LYRM4: variants seen among roughly 807,000 people sequenced by gnomAD.
LYRM4 encodes LYR motif-containing protein 4.
LYRM4 carries 9 observed loss-of-function variants against 11.7 expected under a neutral mutation model. That is an observed-to-expected ratio of 0.77 (90% CI 0.46 to 1.34). The LOEUF is 1.34. Among genes scored for constraint, LYRM4 ranks in the 40% most tolerant of loss-of-function variants. LYRM4 has a pLI of 0.00. For synonymous variants in LYRM4, 42 were observed against 40.4 expected (o/e 1.04, Z -0.15); for missense variants, 133 against 112.5 (o/e 1.18, Z -0.82).
At chr6:5,186,522 A>G in intron 2 of LYRM4, 2 of 946,744 alleles carry the variant, frequency 2.1e-6, no homozygotes, top group Non-Finnish European at 2.5e-6. Context: ...CTGAACTCCC[A>G]TCTCCTTTCT....
chr6:5,246,584 T>C (rs1764208008), intron 1 of LYRM4, among the ~76,000 whole-genome samples: 1 of 152,108 alleles, frequency 6.6e-6, no homozygotes, highest in African/African-American at 2.4e-5. Flanking sequence ...CTGAGAGTGG[T>C]ATACGGACAC....
chr6:5,254,800 C>T (rs895093160), intron 1 of LYRM4, among the ~76,000 whole-genome samples: 5 of 152,302 alleles, frequency 3.3e-5, no homozygotes, highest in Admixed American at 2.6e-4. Context: ...CCAACCCCAC[C>T]AGCTGTGCTC....
intron 1 of LYRM4, chr6:5,218,289 T>C: frequency 2.0e-6 from 2 of 985,298 alleles, no homozygotes; most frequent in Non-Finnish European, 1.2e-6. Context: ...CCAGTAGTAA[T>C]ATTTAGCAAC....
At chr6:5,176,913 A>G (rs1345345009) in intron 2 of LYRM4, among the ~76,000 whole-genome samples, 1 of 152,172 alleles carries the variant, frequency 6.6e-6, no homozygotes, top group Non-Finnish European at 1.5e-5. Flanking sequence ...CATAATTACA[A>G]ATGAGTAGTG....
At chr6:5,159,239 C>T (rs1211525996) in intron 2 of LYRM4, among the ~76,000 whole-genome samples, 1 of 152,176 alleles carries the variant, frequency 6.6e-6, no homozygotes, top group Admixed American at 6.5e-5. Context: ...TGGGTGTCAT[C>T]CCCACTCAGG....
intron 2 of LYRM4, chr6:5,187,017 T>C: frequency 1.0e-6 from 1 of 959,816 alleles, no homozygotes; most frequent in Non-Finnish European, 1.2e-6. Context: ...AAAAGAATAG[T>C]AAATGGGGCC....
In LYRM4 at chr6:5,216,598, A is replaced by G. The variant is rs758668993; in HGVS notation, c.207+20T>C. The G allele has an allele frequency of 1.9e-6, 3 of 1,613,418 alleles. No individual in the cohort carries two copies. Among genetic ancestry groups the G allele is most frequent in the Middle Eastern group, 1.6e-4 (1 of 6,084 alleles). Reference sequence around the variant, plus strand: ...TTTAAAGCTCTTAATGAAAAACAGTACATCATTGAACCATCTTACCTGTCG... The same window carrying G: ...TTTAAAGCTCTTAATGAAAAACAGTGCATCATTGAACCATCTTACCTGTCG... On this transcript the variant is annotated intron_variant, in intron 2 of 2. Coordinates refer to ENST00000330636, the MANE Select transcript of LYRM4 (RefSeq NM_020408.6).
intron 2 of LYRM4, among the ~76,000 whole-genome samples, chr6:5,175,671 C>G (rs1159366101): frequency 6.6e-6 from 1 of 152,186 alleles, no homozygotes; most frequent in Admixed American, 6.5e-5. Context: ...TATGTTCCCA[C>G]ACTTTGAATC....
chr6:5,259,476 G>C (rs1181571855), intron 1 of LYRM4, among the ~76,000 whole-genome samples: 1 of 152,222 alleles, frequency 6.6e-6, no homozygotes, highest in Admixed American at 6.5e-5. Context: ...CCCAGATGCT[G>C]TTTTCAAATT....
the LYRM4 span, among the ~76,000 whole-genome samples, chr6:5,038,633 C>T: frequency 1.7e-3 from 107 of 63,962 alleles, 36 homozygotes; most frequent in African/African-American, 3.9e-3. Context: ...TCCGCAATCC[C>T]GGCACCTCGG....
At chr6:5,053,817 C>T in the LYRM4 span, among the ~76,000 whole-genome samples, 2 of 152,192 alleles carry the variant, frequency 1.3e-5, no homozygotes, top group Non-Finnish European at 2.9e-5. Context: ...TCATGAAGTC[C>T]CAAGGTAAGT....
At chr6:5,077,825 T>G in the LYRM4 span, among the ~76,000 whole-genome samples, 1 of 152,190 alleles carries the variant, frequency 6.6e-6, no homozygotes, top group Non-Finnish European at 1.5e-5. Context: ...TGGAATCACA[T>G]AAATAGAAGC....
the LYRM4 span, among the ~76,000 whole-genome samples, chr6:5,046,905 C>T: frequency 6.6e-6 from 1 of 152,272 alleles, no homozygotes; most frequent in African/African-American, 2.4e-5. Context: ...GCCCGGGCAA[C>T]ATGGTGAAAC....
chr6:5,257,658 T>C (rs534041077), intron 1 of LYRM4, among the ~76,000 whole-genome samples: 7 of 152,270 alleles, frequency 4.6e-5, no homozygotes, highest in African/African-American at 9.6e-5. Flanking sequence ...TAGATTCTCA[T>C]AGGTGCACCT....
chr6:5,085,998 C>G, the LYRM4 span: 28 of 1,524,420 alleles, frequency 1.8e-5, no homozygotes, highest in Middle Eastern at 3.5e-4. Context: ...CTATGCGTGC[C>G]GAGGACCTGG....
chr6:5,225,716 T>A (rs1453717908), intron 1 of LYRM4, among the ~76,000 whole-genome samples: 2 of 152,238 alleles, frequency 1.3e-5, no homozygotes, highest in Admixed American at 6.5e-5. Context: ...GTGGGATGTA[T>A]TCTCTAAAGT....
intron 1 of LYRM4, among the ~76,000 whole-genome samples, chr6:5,250,042 A>T (rs148688846): frequency 6.6e-6 from 1 of 152,352 alleles, no homozygotes; most frequent in East Asian, 1.9e-4. Context: ...TCCTACTGCA[A>T]CAAAGAATAA....
At chr6:5,255,196 T>C (rs1001820293) in intron 1 of LYRM4, among the ~76,000 whole-genome samples, 6 of 152,362 alleles carry the variant, frequency 3.9e-5, no homozygotes, top group South Asian at 4.1e-4. Context: ...CGGGGGTCTC[T>C]GAGACCTTTC....
chr6:5,103,478 C>T (rs557329525), downstream of LYRM4: 4 of 152,314 alleles, frequency 2.6e-5, no homozygotes, highest in South Asian at 2.1e-4. Context: ...CATTTGATCA[C>T]GTGGGTTCAG....
Sources: gnomAD v4.1 joint callset for allele counts (sites outside exome capture counted in the v4.1 genomes callset) on GRCh38, gnomAD v4.1.1 for gene constraint, MANE v1.5 for transcripts, NCBI Gene and HGNC (gene_info 2026-07-23, HGNC 2026-07-21) for gene names.